LRRC4C: variants seen among roughly 807,000 people sequenced by gnomAD.
LRRC4C encodes leucine rich repeat containing 4C.
In LRRC4C, 5 loss-of-function variants were observed where a neutral mutation model predicts 33.6. That is an observed-to-expected ratio of 0.15 (90% CI 0.08 to 0.31). The LOEUF (loss-of-function observed/expected upper bound fraction) is 0.31. Among genes scored for constraint, LRRC4C ranks in the 10% least tolerant of loss-of-function variants. LRRC4C has a pLI of 1.00. For missense variants in LRRC4C, 560 were observed against 796.7 expected (o/e 0.70, Z 3.58); for synonymous variants, 329 against 302.0 (o/e 1.09, Z -0.93).
intron 3 of LRRC4C, among the ~76,000 whole-genome samples, chr11:40,334,542 TA>T (rs1251887142): frequency 6.6e-6 from 1 of 152,220 alleles, no homozygotes; most frequent in African/African-American, 2.4e-5. Context: ...TAGGTGTGTG[TA>T]CTCATAATTG....
intron 1 of LRRC4C, among the ~76,000 whole-genome samples, chr11:41,343,226 G>A (rs1951695953): frequency 6.6e-6 from 1 of 152,166 alleles, no homozygotes; most frequent in Admixed American, 6.5e-5. Flanking sequence ...TCAACCCACA[G>A]TACCAATGAT....
chr11:40,997,579 G>T (rs1018756638), intron 1 of LRRC4C, among the ~76,000 whole-genome samples: 2 of 152,158 alleles, frequency 1.3e-5, no homozygotes, highest in African/African-American at 2.4e-5. Flanking sequence ...TGAAGAAAAG[G>T]TGATAGTTTG....
intron 1 of LRRC4C, among the ~76,000 whole-genome samples, chr11:41,270,910 G>A (rs1949300307): frequency 6.6e-6 from 1 of 152,046 alleles, no homozygotes; most frequent in Admixed American, 6.6e-5. Flanking sequence ...TTAGGTAGCT[G>A]CTGGAAATCC....
chr11:40,920,947 G>T (rs1312198277), intron 2 of LRRC4C, among the ~76,000 whole-genome samples: 1 of 151,044 alleles, frequency 6.6e-6, no homozygotes, highest in Non-Finnish European at 1.5e-5. Flanking sequence ...TTGAGATAGG[G>T]TCTTGCTCTG....
chr11:40,834,470 C>CAAAAAAAAA (rs1166883264), intron 2 of LRRC4C, among the ~76,000 whole-genome samples: 1 of 71,418 alleles, frequency 1.4e-5, no homozygotes, highest in Non-Finnish European at 2.8e-5. Flanking sequence ...GATTCCATCT[C>CAAAAAAAAA]AAAAAAAAAA....
At chr11:41,218,791 G>A (rs1415690057) in intron 1 of LRRC4C, among the ~76,000 whole-genome samples, 3 of 119,714 alleles carry the variant, frequency 2.5e-5, no homozygotes, top group African/African-American at 9.9e-5. Flanking sequence ...TTTTTGAGAC[G>A]GAGTCTTGCT....
chr11:40,900,246 G>T (rs191486384), intron 2 of LRRC4C, among the ~76,000 whole-genome samples: 1 of 152,162 alleles, frequency 6.6e-6, no homozygotes, highest in Admixed American at 6.5e-5. Context: ...AATGTGGCCA[G>T]TTGGAGCACC....
chr11:40,780,981 T>C (rs1950190189), intron 2 of LRRC4C, among the ~76,000 whole-genome samples: 1 of 152,116 alleles, frequency 6.6e-6, no homozygotes, highest in African/African-American at 2.4e-5. Flanking sequence ...GACAGCGATA[T>C]GTTCTAAGAA....
Position 41,433,844 on chromosome 11 carries a change from T to C in LRRC4C, c.-496+25587A>G, listed in dbSNP as rs1378785053. On this transcript the variant is annotated intron_variant, in intron 1 of 6. Coordinates refer to ENST00000528697, the MANE Select transcript of LRRC4C (RefSeq NM_001258419.2). The stretch of plus-strand genomic sequence containing the variant: ...GTGTATACATATATATGCGTATATA[T>C]ATAATATATATCTTATTAATTCTGT... Among the ~76,000 whole-genome samples the C allele has an allele frequency of 1.3e-5, 2 of 151,586 alleles. 1 individual carries two copies. Among genetic ancestry groups the C allele is most frequent in the African/African-American group, 4.8e-5 (2 of 41,252 alleles).
intron 3 of LRRC4C, among the ~76,000 whole-genome samples, chr11:40,331,172 T>A (rs1031242475): frequency 3.3e-5 from 5 of 152,200 alleles, no homozygotes; most frequent in African/African-American, 1.2e-4. Context: ...TTTTATACAC[T>A]GTTGGTGGGA....
rs182337391 is a variant in LRRC4C at position 40,532,956 on chromosome 11, T to A, written c.-270+115186A>T. ...GAGGAAAACTAAATGCAGGAGGAAC[T>A]ACCAAACACTTATAAAACCATCAGA... On this transcript the variant is annotated intron_variant, in intron 3 of 6. Transcript: ENST00000528697. Among the ~76,000 whole-genome samples, 1,023 of 152,174 alleles carry A rather than the reference T, an allele frequency of 6.7e-3. 14 individuals are homozygous for A. The highest frequency in any genetic ancestry group is 0.024 in the African/African-American group (984 of 41,532).
chr11:40,955,688 G>A (rs1253401577), intron 1 of LRRC4C, among the ~76,000 whole-genome samples: 1 of 151,640 alleles, frequency 6.6e-6, no homozygotes, highest in Non-Finnish European at 1.5e-5. Flanking sequence ...TACCTCATTA[G>A]GAGTTTATAA....
At position 40,609,759 on chromosome 11, in the gene LRRC4C, A is replaced by G. The variant is rs79844751; in HGVS notation, c.-270+38383T>C. Reference sequence around the variant, plus strand: ...AATATAAAGATTATAACAGTTTACTATGAATAATTATATGCCAAGAAACTG... The same window carrying G: ...AATATAAAGATTATAACAGTTTACTGTGAATAATTATATGCCAAGAAACTG... On this transcript the variant is annotated intron_variant, in intron 3 of 6. Coordinates refer to ENST00000528697, the MANE Select transcript of LRRC4C (RefSeq NM_001258419.2). 2.3e-3 allele frequency among the ~76,000 whole-genome samples: 349 copies of G among 152,004 alleles called. 1 individual carries two copies. Among genetic ancestry groups the G allele is most frequent in the African/African-American group, 8.1e-3 (335 of 41,552 alleles).
At chr11:41,011,217 T>C (rs943053756) in intron 1 of LRRC4C, among the ~76,000 whole-genome samples, 2 of 152,176 alleles carry the variant, frequency 1.3e-5, no homozygotes, top group Admixed American at 6.5e-5. Context: ...ATCACCATCA[T>C]CATCATTATC....
At chr11:41,127,413 G>A (rs1214235069) in intron 1 of LRRC4C, among the ~76,000 whole-genome samples, 1 of 151,824 alleles carries the variant, frequency 6.6e-6, no homozygotes, top group African/African-American at 2.4e-5. Flanking sequence ...AAAGAATATG[G>A]AAGTATTATG....
At chr11:40,158,019 C>A (rs1386557566) in intron 5 of LRRC4C, among the ~76,000 whole-genome samples, 1 of 152,114 alleles carries the variant, frequency 6.6e-6, no homozygotes, top group African/African-American at 2.4e-5. Context: ...AACCCAAATG[C>A]CCATCAATCA....
intron 1 of LRRC4C, among the ~76,000 whole-genome samples, chr11:41,300,213 A>G (rs112299574): frequency 0.013 from 1,959 of 152,244 alleles, 24 homozygotes; most frequent in Non-Finnish European, 0.02. Context: ...TGCATGTTAA[A>G]ATTTGTGAGG....
At chr11:40,750,774 C>T (rs1948654235) in intron 2 of LRRC4C, among the ~76,000 whole-genome samples, 2 of 147,538 alleles carry the variant, frequency 1.4e-5, no homozygotes, top group Non-Finnish European at 3.0e-5. Flanking sequence ...GCACGTTGTG[C>T]ACATGTACCC....
At chr11:40,521,841 C>A (rs1466829174) in intron 3 of LRRC4C, among the ~76,000 whole-genome samples, 1 of 151,660 alleles carries the variant, frequency 6.6e-6, no homozygotes, top group Non-Finnish European at 1.5e-5. Context: ...TGTACTCCAG[C>A]CTGGTGACAG....
Sources: gnomAD v4.1 joint callset for allele counts (sites outside exome capture counted in the v4.1 genomes callset) on GRCh38, gnomAD v4.1.1 for gene constraint, MANE v1.5 for transcripts, NCBI Gene and HGNC (gene_info 2026-07-23, HGNC 2026-07-21) for gene names.